NOL11: variants seen among roughly 807,000 people sequenced by gnomAD.
NOL11 encodes nucleolar protein 11.
NOL11 carries 42 observed loss-of-function variants against 93.0 expected under a neutral mutation model. That is an observed-to-expected ratio of 0.45 (90% CI 0.35 to 0.58). The LOEUF (loss-of-function observed/expected upper bound fraction) is 0.58. NOL11 is among the 20% of genes least tolerant of loss of function. The probability of loss-of-function intolerance (pLI) is 0.00; values close to 1 mark genes in which losing one functional copy is unlikely to be tolerated. For missense variants in NOL11, 775 were observed against 841.8 expected (o/e 0.92, Z 0.98); for synonymous variants, 296 against 293.7 (o/e 1.01, Z -0.08).
intron 7 of NOL11, among the ~76,000 whole-genome samples, chr17:67,732,136 C>T (rs1054497596): frequency 1.3e-5 from 2 of 152,158 alleles, no homozygotes; most frequent in African/African-American, 4.8e-5. Context: ...TTCCTTAATT[C>T]CATTCAGCAA....
chr17:67,726,472 G>C lies in NOL11; in HGVS notation c.677G>C (p.Cys226Ser), dbSNP rs780086951. ...ISLMSLSSDG[C>S]IYETLIPIRP... ...TTGTTTCCAACAGGCTCTGATGGTTGTATATATGAAACCTTGATACCAATA... is the reference window on the plus strand; with the variant it reads ...TTGTTTCCAACAGGCTCTGATGGTTCTATATATGAAACCTTGATACCAATA... The change falls in exon 7 of 18, where the codon TGT becomes TCT. Residue 226 changes from cysteine (C) to serine (S), a missense_variant. Physicochemically the swap from Cys to Ser is moderately radical, Grantham distance 112 (BLOSUM62 -1). This residue lies in a region of NOL11 where 359 missense variants were observed against 316.5 expected (regional missense o/e 1.13). Coordinates refer to ENST00000253247, the MANE Select transcript of NOL11 (RefSeq NM_015462.5). The C allele has an allele frequency of 6.2e-7, 1 of 1,611,556 alleles. No homozygotes were observed. The highest frequency in any genetic ancestry group is 8.5e-7 in the Non-Finnish European group (1 of 1,179,150).
intron 6 of NOL11, among the ~76,000 whole-genome samples, chr17:67,725,780 G>A (rs144965328): frequency 1.4e-4 from 21 of 152,268 alleles, no homozygotes; most frequent in African/African-American, 4.8e-4. Flanking sequence ...GGGTGATGAG[G>A]TAGGAAGAAT....
At position 67,721,454 on chromosome 17, in the gene NOL11, G is replaced by A. The variant is rs1221694183; in HGVS notation, c.389G>A (p.Arg130His). 7 of 1,613,808 alleles carry A rather than the reference G, an allele frequency of 4.3e-6. No homozygotes were observed. The highest frequency in any genetic ancestry group is 4.0e-5 in the African/African-American group (3 of 75,036). ...GTGCTCTTCAAGGAAGGTGCTGTTC[G>A]TGGTTTAGAGGCCTTGCTTGCAGAC... ...PLVLFKEGAV[R>H]GLEALLADPQ... The change falls in exon 4 of 18, where the codon CGT becomes CAT. Residue 130 changes from arginine (R) to histidine (H), a missense_variant. Transcript: ENST00000253247.
At chr17:67,720,905 C>A (rs1384569019) in intron 3 of NOL11, among the ~76,000 whole-genome samples, 1 of 152,162 alleles carries the variant, frequency 6.6e-6, no homozygotes, top group African/African-American at 2.4e-5. Context: ...TTTCATTTAC[C>A]TTGAAATTCA....
chr17:67,737,687 T>C lies in NOL11; in HGVS notation c.1398T>C (p.Ser466=). ...LMQLIQTHVL[S]YSLCPDLMEI... ...AGCTTATCCAAACGCATGTGCTTTC[T>C]TACAGGTAGCTGTTTGTGTGTACCA... Residue 466 remains serine, a synonymous_variant, in exon 12 of 18, where the codon TCT becomes TCC. Transcript: ENST00000253247. 14 of 1,612,770 alleles carry C rather than the reference T, an allele frequency of 8.7e-6. No homozygotes were observed. The highest frequency in any genetic ancestry group is 1.2e-5 in the Non-Finnish European group (14 of 1,179,566).
At chr17:67,732,931 G>C (rs2055167833) in intron 7 of NOL11, among the ~76,000 whole-genome samples, 1 of 151,870 alleles carries the variant, frequency 6.6e-6, no homozygotes, top group Admixed American at 6.6e-5. Context: ...TCTGATTTTT[G>C]TATGTTGATC....
At chr17:67,740,752 T>A (rs931429049) in intron 16 of NOL11, 4 of 154,668 alleles carry the variant, frequency 2.6e-5, no homozygotes, top group African/African-American at 9.6e-5. Context: ...TGGAGAAATC[T>A]GGGGCCAGCT....
At chr17:67,743,375 TAA>T (rs1246243246) in intron 16 of NOL11, 102 bp from the exon 17 acceptor site, 1 of 474,830 alleles carries the variant, frequency 2.1e-6, no homozygotes, top group Non-Finnish European at 3.8e-6. Flanking sequence ...ATTTTATTTA[TAA>T]AGACTTATTT....
chr17:67,741,132 C>T (rs1179455995), intron 16 of NOL11, among the ~76,000 whole-genome samples: 3 of 152,128 alleles, frequency 2.0e-5, no homozygotes, highest in African/African-American at 7.2e-5. Context: ...TGCAGTGGCA[C>T]GATCTCGGCT....
At chr17:67,733,587 T>C (rs2055174836) in intron 7 of NOL11, among the ~76,000 whole-genome samples, 1 of 152,180 alleles carries the variant, frequency 6.6e-6, no homozygotes, top group East Asian at 1.9e-4. Context: ...GGAAAGCTTT[T>C]AGTCTTTCAC....
intron 14 of NOL11, 94 bp downstream of exon 14, chr17:67,738,449 T>G: frequency 5.5e-6 from 4 of 733,222 alleles, no homozygotes; most frequent in Non-Finnish European, 9.0e-6. Flanking sequence ...AATTTAAGGT[T>G]TTTCTTTCCT....
intron 1 of NOL11, 46 bp downstream of exon 1, chr17:67,718,134 T>C: frequency 6.3e-7 from 1 of 1,593,650 alleles, no homozygotes. Context: ...TTCTCGCCCC[T>C]TTCTGAGCGC....
Position 67,739,547 on chromosome 17 carries a change from T to C in NOL11, c.1874T>C (p.Leu625Pro). ...LFLKYLYFLY[L>P]KCSENATMTL... is the part of the protein sequence containing the mutation. The stretch of plus-strand genomic sequence containing the variant: ...CTTAAGTATTTGTATTTCCTGTACC[T>C]GAAGTGTAGCGAAAATGCTACTATG... The change falls in exon 16 of 18, where the codon CTG becomes CCG. Residue 625 changes from leucine to proline, a missense_variant. Leu to Pro is a moderately conservative substitution (Grantham distance 98). Around this residue, in one of 2 missense-constraint regions of NOL11, gnomAD observed 416 missense variants for 525.2 expected, o/e 0.79. Coordinates refer to ENST00000253247, the MANE Select transcript of NOL11 (RefSeq NM_015462.5). 1 of 1,600,288 alleles carries C rather than the reference T, an allele frequency of 6.2e-7. No homozygotes were observed. Among genetic ancestry groups the C allele is most frequent in the Non-Finnish European group, 8.5e-7 (1 of 1,175,136 alleles).
intron 7 of NOL11, among the ~76,000 whole-genome samples, chr17:67,730,411 C>T (rs1300810575): frequency 1.3e-5 from 2 of 152,132 alleles, no homozygotes; most frequent in East Asian, 1.9e-4. Context: ...CAGGTGGGTG[C>T]CACCACACCC....
chr17:67,732,605 T>TA (rs1448305703), intron 7 of NOL11, among the ~76,000 whole-genome samples: 1 of 152,010 alleles, frequency 6.6e-6, no homozygotes, highest in Non-Finnish European at 1.5e-5. Context: ...GATGGAGTCT[T>TA]ACTCTGTTGC....
At chr17:67,721,131 A>G (rs1187201688) in intron 3 of NOL11, among the ~76,000 whole-genome samples, 1 of 152,230 alleles carries the variant, frequency 6.6e-6, no homozygotes, top group African/African-American at 2.4e-5. Flanking sequence ...AGTAGTCACA[A>G]CGGGTAAACC....
chr17:67,726,600 G>A lies in NOL11; in HGVS notation c.805G>A (p.Asp269Asn), dbSNP rs1272455114. 1 of 1,613,788 alleles carries A rather than the reference G, an allele frequency of 6.2e-7. No individual in the cohort carries two copies. Among genetic ancestry groups the A allele is most frequent in the Non-Finnish European group, 8.5e-7 (1 of 1,179,914 alleles). Residue 269 changes from aspartate to asparagine, a missense_variant, in exon 7 of 18, where the codon GAT becomes AAT. By Grantham distance (23) the Asp-to-Asn change is conservative. Coordinates refer to ENST00000253247, the MANE Select transcript of NOL11 (RefSeq NM_015462.5). ...ARNGVALTALDQDHVAVLGSP... is the reference protein window; with the variant it reads ...ARNGVALTALNQDHVAVLGSP... ...AAATGGAGTTGCACTCACTGCCCTGGATCAGGATCACGTCGCAGTCCTAGG... is the reference window on the plus strand; with the variant it reads ...AAATGGAGTTGCACTCACTGCCCTGAATCAGGATCACGTCGCAGTCCTAGG...
At chr17:67,743,426 T>G in intron 16 of NOL11, 53 bp from the exon 17 acceptor site, 1 of 788,876 alleles carries the variant, frequency 1.3e-6, no homozygotes, top group Non-Finnish European at 2.1e-6. Flanking sequence ...GTAAAGTGAA[T>G]TAACCTGAAG....
intron 16 of NOL11, among the ~76,000 whole-genome samples, chr17:67,740,192 G>A (rs891113654): frequency 3.3e-4 from 49 of 150,718 alleles, no homozygotes; most frequent in East Asian, 9.9e-4. Context: ...CTGAGATCGC[G>A]CCACTGCACT....
Sources: allele counts gnomAD v4.1 joint callset (sites outside exome capture counted in the v4.1 genomes callset), GRCh38; gene constraint gnomAD v4.1.1; regional missense constraint gnomAD v4.1.1; transcripts MANE v1.5; gene names NCBI Gene and HGNC (gene_info 2026-07-23, HGNC 2026-07-21).